Variants in TTC33 observed in about 807,000 individuals in gnomAD.
TTC33 encodes the protein tetratricopeptide repeat protein 33.
TTC33 carries 24 observed loss-of-function variants against 29.4 expected under a neutral mutation model. The ratio of observed to expected loss-of-function variants is 0.82; its 90% confidence interval spans 0.59 to 1.15. TTC33 has a LOEUF of 1.15. TTC33 is among the 50% of genes most tolerant of loss of function. The pLI, the probability that TTC33 is intolerant of heterozygous loss-of-function variation, is 0.00. For synonymous variants in TTC33, 107 were observed against 100.3 expected (o/e 1.07, Z -0.40); for missense variants, 286 against 310.4 (o/e 0.92, Z 0.59).
At position 40,737,226 on chromosome 5, in the gene TTC33, A is replaced by G. The variant is rs147910649; in HGVS notation, c.222-6883T>C. ...GGACAAGAATCACTTGAACCTGGAA[A>G]GTGGAGATTGCAATGAGACAAGATC... On this transcript the variant is annotated intron_variant, in intron 2 of 4. Transcript: ENST00000337702. Among the ~76,000 whole-genome samples, 628 of 151,732 alleles carry G rather than the reference A, an allele frequency of 4.1e-3. 2 individuals are homozygous for G. Among genetic ancestry groups the G allele is most frequent in the African/African-American group, 0.015 (602 of 41,410 alleles).
intron 2 of TTC33, among the ~76,000 whole-genome samples, chr5:40,731,234 A>T (rs10941524): frequency 0.024 from 3,714 of 152,264 alleles, 53 homozygotes; most frequent in East Asian, 0.064. Context: ...CCAGCATTAG[A>T]AGGAAAAGGT....
At chr5:40,730,410 T>G in intron 2 of TTC33, 67 bp from the exon 3 acceptor site, 1 of 1,270,756 alleles carries the variant, frequency 7.9e-7, no homozygotes, top group East Asian at 2.3e-5. Context: ...CAAAAAAAAA[T>G]TTTTATTGTA....
At position 40,712,129 on chromosome 5, in the gene TTC33, T is replaced by G. The variant is rs1741909545; in HGVS notation, c.*4016A>C. ...AGAGGATATCCTAATTCATTTCACA[T>G]TCTTCCCTTCCAATTCAATCTAGAG... On this transcript the variant is annotated 3_prime_UTR_variant, in exon 5 of 5. Transcript: ENST00000337702. Among the ~76,000 whole-genome samples the G allele has an allele frequency of 6.6e-6, 1 of 152,166 alleles. No individual in the cohort carries two copies. Among genetic ancestry groups the G allele is most frequent in the African/African-American group, 2.4e-5 (1 of 41,454 alleles).
Position 40,730,275 on chromosome 5 carries a change from T to C in TTC33, c.290A>G (p.Glu97Gly). The C allele has an allele frequency of 6.3e-7, 1 of 1,599,168 alleles. No individual in the cohort carries two copies. ...QLTPNDATLY[E>G]MKSQVLMSLH... Reference sequence around the variant, plus strand: ...CATAATTATTACCTGTGATTTCATCTCGTATAGGGTAGCATCATTTGGAGT... The same window carrying C: ...CATAATTATTACCTGTGATTTCATCCCGTATAGGGTAGCATCATTTGGAGT... Residue 97 changes from glutamate (E) to glycine (G), a missense_variant, in exon 3 of 5, where the codon GAG becomes GGG. Physicochemically the swap from Glu to Gly is moderately conservative, Grantham distance 98. Coordinates refer to ENST00000337702, the MANE Select transcript of TTC33 (RefSeq NM_012382.3).
intron 2 of TTC33, among the ~76,000 whole-genome samples, chr5:40,738,838 T>C (rs7721093): frequency 0.34 from 52,059 of 151,986 alleles, 10,026 homozygotes; most frequent in Admixed American, 0.45. Context: ...TGGTCATTCA[T>C]ATATTTTCTT....
chr5:40,732,435 GACCAAT>G (rs1374994222), intron 2 of TTC33, among the ~76,000 whole-genome samples: 1 of 151,524 alleles, frequency 6.6e-6, no homozygotes, highest in Non-Finnish European at 1.5e-5. Context: ...AAAAATACAA[GACCAAT>G]ACTTTCTGTA....
At chr5:40,724,391 T>C (rs1287330989) in intron 4 of TTC33, among the ~76,000 whole-genome samples, 10 of 151,966 alleles carry the variant, frequency 6.6e-5, no homozygotes, top group Admixed American at 2.6e-4. Context: ...TCCCGGAACA[T>C]TGGGAGGCTG....
chr5:40,723,253 A>G (rs1467085025), intron 4 of TTC33, among the ~76,000 whole-genome samples: 1 of 152,066 alleles, frequency 6.6e-6, no homozygotes, highest in African/African-American at 2.4e-5. Context: ...CTTAAGAGTC[A>G]TCACCACTCC....
chr5:40,718,739 A>G (rs1186638706), intron 4 of TTC33, among the ~76,000 whole-genome samples: 3 of 145,836 alleles, frequency 2.1e-5, no homozygotes, highest in East Asian at 2.0e-4. Context: ...TTCCGTCTCG[A>G]AAAAAAAAAA....
intron 2 of TTC33, among the ~76,000 whole-genome samples, 180 bp from the exon 3 acceptor site, chr5:40,730,523 A>G (rs777012586): frequency 5.9e-5 from 9 of 152,148 alleles, no homozygotes; most frequent in Non-Finnish European, 1.3e-4. Flanking sequence ...TGCAACCACC[A>G]CCACCATTCA....
chr5:40,740,682 G>A (rs967671044), intron 2 of TTC33, among the ~76,000 whole-genome samples: 3 of 152,144 alleles, frequency 2.0e-5, no homozygotes, highest in Admixed American at 1.3e-4. Flanking sequence ...ACTTTCTTTA[G>A]ATAATATGAC....
At chr5:40,740,946 T>A (rs1357747700) in intron 2 of TTC33, among the ~76,000 whole-genome samples, 1 of 152,240 alleles carries the variant, frequency 6.6e-6, no homozygotes, top group African/African-American at 2.4e-5. Flanking sequence ...TTTTAATATA[T>A]CTTCCATTTC....
At position 40,728,479 on chromosome 5, in the gene TTC33, A is replaced by G; in HGVS notation, c.304-3T>C. 1 of 1,590,018 alleles carries G rather than the reference A, an allele frequency of 6.3e-7. No individual in the cohort carries two copies. Among genetic ancestry groups the G allele is most frequent in the African/African-American group, 1.4e-5 (1 of 73,764 alleles). On this transcript the variant is annotated splice_region_variant and splice_polypyrimidine_tract_variant and intron_variant, in intron 3 of 4. Transcript: ENST00000337702. ...ATTTCATGAAGAGACATTAGCACCT[A>G]TAGGCAAAAAAAGACCAAAAAATCT... is the stretch of plus-strand genomic sequence containing the variant.
intron 4 of TTC33, among the ~76,000 whole-genome samples, chr5:40,724,826 T>C (rs1742241480): frequency 6.6e-6 from 1 of 151,342 alleles, no homozygotes; most frequent in African/African-American, 2.4e-5. Flanking sequence ...TCTACAGTAA[T>C]TAACTAAACT....
chr5:40,747,058 T>TGA, intron 1 of TTC33, 39 bp from the exon 2 acceptor site: 1 of 1,559,600 alleles, frequency 6.4e-7, no homozygotes, highest in Non-Finnish European at 8.7e-7. Flanking sequence ...AATTCTAACT[T>TGA]GATCTTTTTT....
At chr5:40,720,328 T>G (rs1437098560) in intron 4 of TTC33, among the ~76,000 whole-genome samples, 1 of 152,198 alleles carries the variant, frequency 6.6e-6, no homozygotes, top group East Asian at 1.9e-4. Flanking sequence ...TAAATTGTCT[T>G]GACACCCTTG....
intron 4 of TTC33, among the ~76,000 whole-genome samples, chr5:40,722,755 G>A (rs902188585): frequency 2.0e-5 from 3 of 150,918 alleles, no homozygotes; most frequent in Non-Finnish European, 4.4e-5. Context: ...TGCCCGGCCA[G>A]ACGCCCCGTC....
intron 4 of TTC33, among the ~76,000 whole-genome samples, chr5:40,726,211 A>ATT (rs1742283797): frequency 7.6e-6 from 1 of 131,588 alleles, no homozygotes; most frequent in African/African-American, 3.1e-5. Flanking sequence ...ATACATACAT[A>ATT]TTTTATATAT....
intron 2 of TTC33, among the ~76,000 whole-genome samples, chr5:40,745,700 A>T (rs987060569): frequency 6.6e-6 from 1 of 150,834 alleles, no homozygotes; most frequent in Non-Finnish European, 1.5e-5. Flanking sequence ...GAATTTTTTA[A>T]AACTGGAACT....
Sources: gnomAD v4.1 joint callset for allele counts (sites outside exome capture counted in the v4.1 genomes callset) on GRCh38, gnomAD v4.1.1 for gene constraint, MANE v1.5 for transcripts, NCBI Gene and HGNC (gene_info 2026-07-23, HGNC 2026-07-21) for gene names.